The following CD2AP variants were observed in gnomAD, a reference collection of about 807,000 sequenced individuals.
CD2AP encodes the protein CD2 associated protein, also known as CD2-associated protein.
In CD2AP, 46 loss-of-function variants were observed where a neutral mutation model predicts 85.1. That is an observed-to-expected ratio of 0.54 (90% confidence interval 0.43 to 0.69). CD2AP has a LOEUF of 0.69. CD2AP is among the 30% of genes least tolerant of loss of function. The pLI, the probability that CD2AP is intolerant of heterozygous loss-of-function variation, is 0.00. For missense variants in CD2AP, 769 were observed against 729.5 expected, an observed-to-expected ratio of 1.05 and a Z score of -0.62; for synonymous variants, 255 against 252.9, an observed-to-expected ratio of 1.01 and a Z score of -0.08.
chr6:47,585,207 G>A (rs1448492313), intron 11 of CD2AP, among the ~76,000 whole-genome samples: 1 of 151,864 alleles, frequency 6.6e-6, no homozygotes, highest in Admixed American at 6.6e-5. Context: ...GGAGGCTGAG[G>A]CAGGAGAATG....
chr6:47,563,619 CG>C lies in CD2AP; in HGVS notation c.541+8854del, dbSNP rs1767918154. On this transcript the variant is annotated intron_variant, in intron 5 of 17. Transcript: ENST00000359314. The stretch of plus-strand genomic sequence containing the variant: ...ACAGTATTATGCTCTACCATATATT[CG>C]TTGTGGATTACCTTTAAAGAATCCC... 2.0e-5 allele frequency among the ~76,000 whole-genome samples: 3 copies of C among 152,214 alleles called. No individual in the cohort carries two copies. The South Asian group carries it at 6.2e-4, about 32-fold the overall frequency.
intron 5 of CD2AP, among the ~76,000 whole-genome samples, chr6:47,571,372 C>T (rs373258145): frequency 2.7e-4 from 41 of 152,128 alleles, no homozygotes; most frequent in African/African-American, 9.9e-4. Flanking sequence ...GACTGGTATT[C>T]CTGAGAAAAG....
At chr6:47,565,701 A>G (rs1185276326) in intron 5 of CD2AP, among the ~76,000 whole-genome samples, 1 of 152,118 alleles carries the variant, frequency 6.6e-6, no homozygotes, top group African/African-American at 2.4e-5. Flanking sequence ...CCCTACCATG[A>G]TTCATTAACA....
At chr6:47,602,327 AT>A (rs900875987) in intron 13 of CD2AP, among the ~76,000 whole-genome samples, 22 of 151,868 alleles carry the variant, frequency 1.4e-4, no homozygotes, top group African/African-American at 5.1e-4. Context: ...CATGCTTACA[AT>A]TTTTTTTCTC....
chr6:47,624,252 T>A lies in CD2AP; in HGVS notation c.*25T>A. 6.3e-7 allele frequency: 1 copy of A among 1,591,766 alleles called. No homozygotes were observed. Among genetic ancestry groups the A allele is most frequent in the Non-Finnish European group, 8.6e-7 (1 of 1,160,024 alleles). On this transcript the variant is annotated 3_prime_UTR_variant, in exon 18 of 18. Coordinates refer to ENST00000359314, the MANE Select transcript of CD2AP (RefSeq NM_012120.3). The stretch of plus-strand genomic sequence containing the variant: ...AGTGGTGTGGACCTGGTGTTCATAA[T>A]GTTCCAGGGATTCAGAAGCAACGCT...
rs1383298324 is a variant in CD2AP, at chr6:47,626,680, G to A, written c.*2453G>A. The A allele has an allele frequency of 6.6e-6, 1 of 152,374 alleles. No individual in the cohort carries two copies. Among genetic ancestry groups the A allele is most frequent in the Non-Finnish European group, 1.5e-5 (1 of 67,870 alleles). 9.4% of individuals were successfully genotyped at this position (152,374 alleles called of 1,614,324 possible). On this transcript the variant is annotated 3_prime_UTR_variant, in exon 18 of 18. Transcript: ENST00000359314. ...AAGATGTAAAGAGAGAACAGGCCTT[G>A]TGTAACAGAAGATACTCTTTTTTAT...
Position 47,626,116 on chromosome 6 carries a change from A to AGTGGG in CD2AP, c.*1891_*1892insGGGGT, listed in dbSNP as rs1769899753. 1 of 151,948 alleles carries AGTGGG rather than the reference A, an allele frequency of 6.6e-6. No homozygotes were observed. The highest frequency in any genetic ancestry group is 2.4e-5 in the African/African-American group (1 of 41,460). 9.4% of individuals were successfully genotyped at this position (151,948 alleles called of 1,614,324 possible). ...GTCATCCTAATAATGGGATGAGGGAAGTTTCCAGCAGATTTCAGGCTGTTC... is the reference window on the plus strand; with the variant it reads ...GTCATCCTAATAATGGGATGAGGGAAGTGGGGTTTCCAGCAGATTTCAGGCTGTTC... On this transcript the variant is annotated 3_prime_UTR_variant, in exon 18 of 18. Coordinates refer to ENST00000359314, the MANE Select transcript of CD2AP (RefSeq NM_012120.3).
intron 4 of CD2AP, among the ~76,000 whole-genome samples, chr6:47,548,185 A>G (rs1015063981): frequency 6.6e-6 from 1 of 152,182 alleles, no homozygotes; most frequent in Non-Finnish European, 1.5e-5. Flanking sequence ...TCGGCAGAAG[A>G]AAGGAAATAA....
At chr6:47,530,150 G>T (rs1766835102) in intron 2 of CD2AP, among the ~76,000 whole-genome samples, 1 of 152,160 alleles carries the variant, frequency 6.6e-6, no homozygotes. Context: ...TCCTGTGTTA[G>T]GCATTTGGTG....
chr6:47,591,140 C>T (rs1410493335), intron 11 of CD2AP, among the ~76,000 whole-genome samples: 3 of 152,038 alleles, frequency 2.0e-5, no homozygotes, highest in South Asian at 2.1e-4. Flanking sequence ...AATAAATGAA[C>T]GAGAGCTACA....
intron 11 of CD2AP, among the ~76,000 whole-genome samples, chr6:47,584,438 A>AT (rs753142296): frequency 7.8e-5 from 11 of 140,132 alleles, no homozygotes; most frequent in Non-Finnish European, 1.1e-4. Flanking sequence ...TTTTTTTGGC[A>AT]TGTGAATGTC....
At chr6:47,596,207 A>G (rs772401230) in intron 12 of CD2AP, among the ~76,000 whole-genome samples, 181 bp downstream of exon 12, 5 of 152,156 alleles carry the variant, frequency 3.3e-5, no homozygotes, top group Non-Finnish European at 7.4e-5. Context: ...TAAAGCGTAT[A>G]TATAATTCAT....
At chr6:47,481,874 C>T (rs1471567764) in intron 1 of CD2AP, among the ~76,000 whole-genome samples, 2 of 152,166 alleles carry the variant, frequency 1.3e-5, no homozygotes, top group African/African-American at 4.8e-5. Context: ...AAACTCTTGC[C>T]TCTGCTTCCC....
At chr6:47,536,502 A>G (rs918993575) in intron 3 of CD2AP, among the ~76,000 whole-genome samples, 2 of 152,170 alleles carry the variant, frequency 1.3e-5, no homozygotes, top group Non-Finnish European at 2.9e-5. Context: ...GAGAGGTTCA[A>G]ATAAGTATAA....
intron 6 of CD2AP, among the ~76,000 whole-genome samples, chr6:47,574,897 C>T (rs1768263333): frequency 6.6e-6 from 1 of 152,060 alleles, no homozygotes; most frequent in Non-Finnish European, 1.5e-5. Context: ...AACATTTTTT[C>T]ACAGTTCCTT....
At chr6:47,521,402 AT>A (rs1381327680) in intron 2 of CD2AP, among the ~76,000 whole-genome samples, 1 of 151,884 alleles carries the variant, frequency 6.6e-6, no homozygotes, top group Non-Finnish European at 1.5e-5. Flanking sequence ...ATATACAAAA[AT>A]TAGCTGGGCG....
At chr6:47,596,464 A>G (rs1264614031) in intron 12 of CD2AP, among the ~76,000 whole-genome samples, 2 of 152,018 alleles carry the variant, frequency 1.3e-5, no homozygotes, top group East Asian at 3.9e-4. Context: ...ATTCTACTCT[A>G]TTTCTATGGG....
At chr6:47,510,613 A>G (rs1441056856) in intron 2 of CD2AP, among the ~76,000 whole-genome samples, 1 of 152,360 alleles carries the variant, frequency 6.6e-6, no homozygotes, top group African/African-American at 2.4e-5. Context: ...AAAATACAGC[A>G]TAAGTATACA....
chr6:47,601,254 A>C (rs931303861), intron 13 of CD2AP, among the ~76,000 whole-genome samples: 4 of 151,946 alleles, frequency 2.6e-5, no homozygotes, highest in African/African-American at 9.7e-5. Flanking sequence ...TATAGTAAAC[A>C]GAGACTTTGT....
Sources: gnomAD v4.1 joint callset for allele counts (sites outside exome capture counted in the v4.1 genomes callset) on GRCh38, gnomAD v4.1.1 for gene constraint, MANE v1.5 for transcripts, NCBI Gene and HGNC (gene_info 2026-07-23, HGNC 2026-07-21) for gene names.